BICD1: variants seen among roughly 807,000 people sequenced by gnomAD.
BICD1 encodes the protein BICD cargo adaptor 1.
In BICD1, 35 loss-of-function variants were observed where a neutral mutation model predicts 92.5. The ratio of observed to expected loss-of-function variants is 0.38; its 90% CI spans 0.29 to 0.50. The LOEUF (loss-of-function observed/expected upper bound fraction) is 0.50, where lower values mean the gene tolerates loss of function less well. Among genes scored for constraint, BICD1 ranks in the 20% least tolerant of loss-of-function variants. The pLI is 0.93. For missense variants in BICD1, 950 were observed against 1,189.8 expected (o/e 0.80, Z 2.97); for synonymous variants, 429 against 465.1 (o/e 0.92, Z 1.00).
At chr12:32,142,714 C>G (rs181025869) in intron 1 of BICD1, among the ~76,000 whole-genome samples, 5 of 152,300 alleles carry the variant, frequency 3.3e-5, no homozygotes, top group Admixed American at 3.3e-4. Context: ...AGATTATTCT[C>G]TCATGAAGCA....
At chr12:32,193,685 A>G in intron 1 of BICD1, among the ~76,000 whole-genome samples, 1 of 152,190 alleles carries the variant, frequency 6.6e-6, no homozygotes, top group East Asian at 1.9e-4. Context: ...TAAACGACCA[A>G]ATAAGTAAGG....
At chr12:32,332,777 C>T (rs1937933778) in intron 5 of BICD1, 9 of 797,846 alleles carry the variant, frequency 1.1e-5, no homozygotes, top group Non-Finnish European at 1.4e-5. Flanking sequence ...CCAGACAGAA[C>T]AGTAGGTAGA....
chr12:32,162,899 T>C (rs1275759072), intron 1 of BICD1, among the ~76,000 whole-genome samples: 2 of 152,070 alleles, frequency 1.3e-5, no homozygotes, highest in African/African-American at 4.8e-5. Context: ...GGCAGGAGGA[T>C]TGCTTGAGTT....
At chr12:32,156,528 C>T (rs1343937780) in intron 1 of BICD1, among the ~76,000 whole-genome samples, 2 of 152,214 alleles carry the variant, frequency 1.3e-5, no homozygotes, top group Non-Finnish European at 2.9e-5. Context: ...TATATTGACT[C>T]AGAATGAGGC....
intron 2 of BICD1, among the ~76,000 whole-genome samples, chr12:32,259,571 A>G (rs1946804104): frequency 6.6e-6 from 1 of 152,202 alleles, no homozygotes. Flanking sequence ...GCTTCTGTGA[A>G]GGGACAGCCT....
chr12:32,246,504 G>A (rs535989605), intron 2 of BICD1, among the ~76,000 whole-genome samples: 12 of 152,082 alleles, frequency 7.9e-5, no homozygotes, highest in South Asian at 6.2e-4. Context: ...CAGACATGGT[G>A]CCGTGTGCCT....
At chr12:32,205,413 A>G (rs1057262900) in intron 1 of BICD1, among the ~76,000 whole-genome samples, 1 of 152,068 alleles carries the variant, frequency 6.6e-6, no homozygotes. Flanking sequence ...ACTCTTGCAC[A>G]TGTGACTTAG....
intron 1 of BICD1, among the ~76,000 whole-genome samples, chr12:32,134,645 C>T (rs1057433193): frequency 1.3e-5 from 2 of 152,116 alleles, no homozygotes; most frequent in Admixed American, 6.5e-5. Context: ...TTCAGCACCG[C>T]GACTCTGTCA....
chr12:32,240,614 CTTAAT>C (rs2136081072), intron 2 of BICD1, among the ~76,000 whole-genome samples: 1 of 152,242 alleles, frequency 6.6e-6, no homozygotes, highest in South Asian at 2.1e-4. Context: ...TCTCAAAATC[CTTAAT>C]TTAATCGTAT....
At chr12:32,258,431 A>G (rs1946772667) in intron 2 of BICD1, among the ~76,000 whole-genome samples, 1 of 152,146 alleles carries the variant, frequency 6.6e-6, no homozygotes, top group African/African-American at 2.4e-5. Context: ...GTCCAGACCT[A>G]TGGGGCTTAG....
intron 1 of BICD1, among the ~76,000 whole-genome samples, chr12:32,198,017 C>G (rs1944774979): frequency 1.3e-5 from 2 of 151,788 alleles, no homozygotes; most frequent in African/African-American, 4.8e-5. Context: ...ACCAGCCTGA[C>G]CAATATGGAG....
chr12:32,215,994 A>G (rs1405243319), intron 1 of BICD1, among the ~76,000 whole-genome samples: 1 of 151,454 alleles, frequency 6.6e-6, no homozygotes, highest in Non-Finnish European at 1.5e-5. Flanking sequence ...TAAAGCAAGT[A>G]ACAATGTTTT....
chr12:32,320,147 T>G (rs1326445602), intron 4 of BICD1, among the ~76,000 whole-genome samples: 1 of 152,204 alleles, frequency 6.6e-6, no homozygotes, highest in Admixed American at 6.5e-5. Flanking sequence ...GAGTTCCGTT[T>G]GTGCATATCG....
chr12:32,154,505 G>C (rs1943382394), intron 1 of BICD1, among the ~76,000 whole-genome samples: 1 of 152,150 alleles, frequency 6.6e-6, no homozygotes, highest in Non-Finnish European at 1.5e-5. Flanking sequence ...CCATTACTTG[G>C]TGTGAGTCCT....
chr12:32,116,348 T>C (rs1329383547), intron 1 of BICD1, among the ~76,000 whole-genome samples: 1 of 152,162 alleles, frequency 6.6e-6, no homozygotes, highest in South Asian at 2.1e-4. Context: ...AACTCTTTTA[T>C]GTATTTTTTC....
At chr12:32,296,665 C>T (rs1239576) in intron 3 of BICD1, among the ~76,000 whole-genome samples, 44,105 of 152,028 alleles carry the variant, frequency 0.29, 7,024 homozygotes, top group Non-Finnish European at 0.37. Flanking sequence ...CCTTCCTTCC[C>T]GATTCCTACA....
chr12:32,151,417 C>G (rs6488034), intron 1 of BICD1, among the ~76,000 whole-genome samples: 1 of 152,182 alleles, frequency 6.6e-6, no homozygotes, highest in African/African-American at 2.4e-5. Context: ...AATATGATCA[C>G]TGGATTATGG....
chr12:32,204,815 A>C (rs1374734284), intron 1 of BICD1, among the ~76,000 whole-genome samples: 4 of 152,236 alleles, frequency 2.6e-5, no homozygotes, highest in Non-Finnish European at 5.9e-5. Context: ...TTCAAGGGGA[A>C]TGCAGTGATA....
chr12:32,145,330 C>A (rs1943070442), intron 1 of BICD1, among the ~76,000 whole-genome samples: 1 of 152,142 alleles, frequency 6.6e-6, no homozygotes, highest in Non-Finnish European at 1.5e-5. Context: ...CAGACAGGTG[C>A]AGAGTAGGAA....
Sources: allele counts gnomAD v4.1 joint callset (sites outside exome capture counted in the v4.1 genomes callset), GRCh38; gene constraint gnomAD v4.1.1; transcripts MANE v1.5; gene names NCBI Gene and HGNC (gene_info 2026-07-23, HGNC 2026-07-21).